Variants in ADGRB1 observed in about 807,000 individuals in gnomAD.
ADGRB1 encodes the protein adhesion G protein-coupled receptor B1, also known as brain-specific angiogenesis inhibitor 1.
ADGRB1 carries 36 observed loss-of-function variants against 175.7 expected under a neutral mutation model. That is an observed-to-expected ratio of 0.20 (90% confidence interval 0.16 to 0.27). The LOEUF (loss-of-function observed/expected upper bound fraction) is 0.27. Among genes scored for constraint, ADGRB1 ranks in the 10% least tolerant of loss-of-function variants. ADGRB1 has a pLI of 1.00. For synonymous variants in ADGRB1, 1,054 were observed against 979.4 expected (o/e 1.08, Z -1.42); for missense variants, 1,731 against 2,255.3 (o/e 0.77, Z 4.71).
intron 17 of ADGRB1, among the ~76,000 whole-genome samples, chr8:142,495,520 A>C (rs1359997314): frequency 6.6e-6 from 1 of 152,180 alleles, no homozygotes; most frequent in Admixed American, 6.5e-5. Context: ...AGAATCTTGA[A>C]ATCAAAGTGT....
At chr8:142,508,004 G>A (rs1842924292) in intron 17 of ADGRB1, among the ~76,000 whole-genome samples, 2 of 152,008 alleles carry the variant, frequency 1.3e-5, no homozygotes, top group Admixed American at 1.3e-4. Flanking sequence ...CAGGGAGGCA[G>A]CGATTATCCA....
At chr8:142,487,583 T>C (rs1032493363) in intron 13 of ADGRB1, among the ~76,000 whole-genome samples, 1 of 152,152 alleles carries the variant, frequency 6.6e-6, no homozygotes, top group Non-Finnish European at 1.5e-5. Flanking sequence ...CACTGGGGCC[T>C]GTGAGGGCTG....
chr8:142,521,827 C>T (rs1310905331), intron 20 of ADGRB1, 138 bp from the exon 21 acceptor site: 3 of 962,236 alleles, frequency 3.1e-6, no homozygotes, highest in African/African-American at 3.3e-5. Flanking sequence ...CTCTGGATTG[C>T]CTTCTGCCTG....
chr8:142,479,059 G>A (rs1269991303), intron 7 of ADGRB1: 8 of 403,504 alleles, frequency 2.0e-5, no homozygotes, highest in African/African-American at 1.5e-4. Context: ...CCGTGGGGTA[G>A]TAGGGTGCAC....
chr8:142,458,378 G>A (rs1343997931), intron 1 of ADGRB1, among the ~76,000 whole-genome samples: 3 of 152,194 alleles, frequency 2.0e-5, no homozygotes, highest in African/African-American at 7.2e-5. Flanking sequence ...CGGGAGGCGG[G>A]TGCAGTGCCT....
chr8:142,460,076 T>TG (rs367579648), intron 1 of ADGRB1, among the ~76,000 whole-genome samples: 1,953 of 152,308 alleles, frequency 0.013, 31 homozygotes, highest in African/African-American at 0.043. Context: ...GGGCCTGGCG[T>TG]GGGGGGGACA....
chr8:142,488,915 T>C, intron 14 of ADGRB1, 120 bp from the exon 15 acceptor site: 1 of 1,270,994 alleles, frequency 7.9e-7, no homozygotes, highest in Non-Finnish European at 1.1e-6. Context: ...GCCAGGGCCC[T>C]GGACGCGACC....
At chr8:142,491,813 C>T (rs1841995287) in intron 17 of ADGRB1, among the ~76,000 whole-genome samples, 1 of 152,178 alleles carries the variant, frequency 6.6e-6, no homozygotes, top group Admixed American at 6.5e-5. Context: ...GTGATGGTCC[C>T]TTGCGTGGTG....
chr8:142,520,415 TA>T, intron 19 of ADGRB1, among the ~76,000 whole-genome samples: 1 of 27,910 alleles, frequency 3.6e-5, no homozygotes, highest in African/African-American at 1.1e-4. Flanking sequence ...GTAATGGTGA[TA>T]GTGGTAATGA....
Position 142,489,435 on chromosome 8 carries a change from T to A in ADGRB1, c.2628T>A (p.Tyr876Ter). 1 of 1,612,446 alleles carries A rather than the reference T, an allele frequency of 6.2e-7. No homozygotes were observed. The highest frequency in any genetic ancestry group is 8.5e-7 in the Non-Finnish European group (1 of 1,179,488). ...TPLEIEFAHMYNGTTNQTCIL... is the reference protein window; with the variant it reads ...TPLEIEFAHM ...TGGAGATCGAGTTTGCCCACATGTA[T>A]AATGTGAGTGCCGTCCACGTGCACA... Residue 876 changes from tyrosine to a stop codon, truncating the protein, a stop_gained, in exon 16 of 31, where the codon TAT becomes TAA. Transcript: ENST00000517894. LOFTEE classifies it high-confidence loss of function.
chr8:142,508,463 T>C (rs1259989340), intron 17 of ADGRB1, among the ~76,000 whole-genome samples: 2 of 152,154 alleles, frequency 1.3e-5, no homozygotes, highest in Non-Finnish European at 2.9e-5. Flanking sequence ...GACCCCACGC[T>C]CCCTTTCCTG....
At chr8:142,502,555 TGG>T (rs1842668199) in intron 17 of ADGRB1, among the ~76,000 whole-genome samples, 3 of 70,934 alleles carry the variant, frequency 4.2e-5, no homozygotes, top group African/African-American at 1.5e-4. Flanking sequence ...GAGGTGGTGG[TGG>T]TGGTGGTGAT....
chr8:142,478,049 G>T (rs967472512), intron 6 of ADGRB1, 138 bp from the exon 7 acceptor site: 1 of 1,177,818 alleles, frequency 8.5e-7, no homozygotes, highest in East Asian at 2.6e-5. Flanking sequence ...GCCGTGGGTG[G>T]TGGCCCCCAG....
chr8:142,510,253 C>T lies in ADGRB1; in HGVS notation c.2676-679C>T, dbSNP rs1254096644. 6.6e-6 allele frequency among the ~76,000 whole-genome samples: 1 copy of T among 152,020 alleles called. No homozygotes were observed. Among genetic ancestry groups the T allele is most frequent in the Admixed American group, 6.5e-5 (1 of 15,272 alleles). On this transcript the variant is annotated intron_variant, in intron 17 of 30. Coordinates refer to ENST00000517894, the MANE Select transcript of ADGRB1 (RefSeq NM_001702.3). The surrounding 1 kb of genome is among the most constrained non-coding windows in gnomAD (Gnocchi z 6.3). ...GCAGTCGCGGCCCGTAGACAGCGGG[C>T]GGCTGGGTCAGACCGCAGAGGGAAG... is the stretch of plus-strand genomic sequence containing the variant.
rs996772172 is a variant in ADGRB1, at chr8:142,530,578, G to A, written c.3399-2717G>A. Among the ~76,000 whole-genome samples the A allele has an allele frequency of 2.2e-4, 34 of 152,210 alleles. 2 individuals carry two copies. The highest frequency in any genetic ancestry group is 1.8e-3 in the Admixed American group (28 of 15,286). ...CTGGGCCCTGGCACTGTGCAGATGC[G>A]AGTCGGGGCGAGGCTAGCCTGGGTG... On this transcript the variant is annotated intron_variant, in intron 24 of 30. Transcript: ENST00000517894.
intron 24 of ADGRB1, 69 bp downstream of exon 24, chr8:142,526,696 G>T: frequency 6.8e-7 from 1 of 1,461,938 alleles, no homozygotes; most frequent in Admixed American, 1.9e-5. Flanking sequence ...CAGCCCCGGG[G>T]GATGGAGAAC....
chr8:142,518,214 T>C lies in ADGRB1; in HGVS notation c.2894T>C (p.Leu965Pro). The change falls in exon 19 of 31, where the codon CTG (leucine) becomes CCG (proline). Residue 965 changes from leucine to proline, a missense_variant. Around this residue, in one of 8 missense-constraint regions of ADGRB1, gnomAD observed 301 missense variants for 488.4 expected, o/e 0.62. Transcript: ENST00000517894. ...GTGTCCTCTCTCACCCTGCTCATGC[T>C]GGTCATCATCTACGTGTCCGTGTGG... ...CGVSSLTLLM[L>P]VIIYVSVWRY... 1 of 1,613,820 alleles carries C rather than the reference T, an allele frequency of 6.2e-7. No homozygotes were observed. Among genetic ancestry groups the C allele is most frequent in the Non-Finnish European group, 8.5e-7 (1 of 1,179,792 alleles).
At chr8:142,467,634 C>G (rs1840353726) in intron 2 of ADGRB1, among the ~76,000 whole-genome samples, 1 of 152,142 alleles carries the variant, frequency 6.6e-6, no homozygotes. Flanking sequence ...ACTGGAGCAC[C>G]AGGACAGGGC....
intron 17 of ADGRB1, among the ~76,000 whole-genome samples, chr8:142,501,086 G>A (rs923411445): frequency 2.0e-5 from 3 of 152,246 alleles, no homozygotes; most frequent in East Asian, 1.9e-4. Flanking sequence ...GGACAGTGAC[G>A]GAGCTGGTTC....
Sources: allele counts gnomAD v4.1 joint callset (sites outside exome capture counted in the v4.1 genomes callset), GRCh38; gene constraint gnomAD v4.1.1; regional missense constraint gnomAD v4.1.1; non-coding constraint Gnocchi (gnomAD v3.1); transcripts MANE v1.5; gene names NCBI Gene and HGNC (gene_info 2026-07-23, HGNC 2026-07-21).